Variants in GRIK4 observed in about 807,000 individuals in gnomAD.
GRIK4 encodes the protein glutamate receptor ionotropic, kainate 4.
GRIK4 carries 40 observed loss-of-function variants against 104.9 expected under a neutral mutation model. The observed-to-expected ratio is 0.38, with a 90% CI of 0.30 to 0.50. The LOEUF is 0.50. GRIK4 is among the 20% of genes least tolerant of loss of function. The pLI, the probability that GRIK4 is intolerant of heterozygous loss-of-function variation, is 0.93. For missense variants in GRIK4, 1,047 were observed against 1,308.1 expected (o/e 0.80, Z 3.08); for synonymous variants, 485 against 524.9 (o/e 0.92, Z 1.04).
intron 5 of GRIK4, among the ~76,000 whole-genome samples, chr11:120,816,462 C>G (rs892589114): frequency 6.6e-6 from 1 of 152,164 alleles, no homozygotes; most frequent in African/African-American, 2.4e-5. Flanking sequence ...CCCTAGAGGC[C>G]TGGAGGCTCA....
chr11:120,886,230 G>A (rs765696644), intron 11 of GRIK4, among the ~76,000 whole-genome samples: 5 of 152,318 alleles, frequency 3.3e-5, no homozygotes, highest in South Asian at 2.1e-4. Flanking sequence ...AGGCTGCACC[G>A]TGTCTTCTTG....
intron 3 of GRIK4, among the ~76,000 whole-genome samples, chr11:120,739,983 A>G (rs2155262): frequency 0.75 from 114,447 of 152,148 alleles, 43,301 homozygotes; most frequent in Middle Eastern, 0.85. Context: ...CCCCAACCTC[A>G]TCCACCAGGG....
Position 120,696,522 on chromosome 11 carries a change from G to A in GRIK4, c.82+36122G>A, listed in dbSNP as rs550970901. Reference sequence around the variant, plus strand: ...AGAGGGGGCTGTGAAGCTTAAATCTGGGGGGGCCCAAGGTGAGAGAGCTGG... The same window carrying A: ...AGAGGGGGCTGTGAAGCTTAAATCTAGGGGGGCCCAAGGTGAGAGAGCTGG... On this transcript the variant is annotated intron_variant, in intron 3 of 20. Coordinates refer to ENST00000527524, the MANE Select transcript of GRIK4 (RefSeq NM_014619.5). Among the ~76,000 whole-genome samples the A allele has an allele frequency of 1.0e-4, 15 of 144,032 alleles. No homozygotes were observed. In the South Asian group the frequency reaches 2.7e-3, roughly 26 times the overall value. 94.5% of individuals were successfully genotyped at this position (144,032 alleles called of 152,430 possible).
At chr11:120,579,522 A>G (rs1349325273) in intron 1 of GRIK4, among the ~76,000 whole-genome samples, 3 of 152,226 alleles carry the variant, frequency 2.0e-5, no homozygotes, top group Non-Finnish European at 4.4e-5. Flanking sequence ...TTTGGATTTT[A>G]TTCTAAAATA....
At position 120,881,933 on chromosome 11, in the gene GRIK4, A is replaced by G. The variant is rs192889600; in HGVS notation, c.1164+6690A>G. Among the ~76,000 whole-genome samples the G allele has an allele frequency of 2.6e-5, 4 of 151,494 alleles. No individual in the cohort carries two copies. The East Asian group carries it at 5.8e-4, about 22-fold the overall frequency. ...GTTGCTCTGGTGGGAATTTTAGCAG[A>G]CCTGCTTCTCTGGTGGGAGCCACTC... On this transcript the variant is annotated intron_variant, in intron 11 of 20. Transcript: ENST00000527524.
intron 6 of GRIK4, among the ~76,000 whole-genome samples, chr11:120,828,702 G>A (rs1001106702): frequency 7.2e-5 from 11 of 152,134 alleles, no homozygotes; most frequent in Admixed American, 2.0e-4. Context: ...AATTCTGGGC[G>A]GGATGCGGAC....
chr11:120,866,361 C>A (rs1454648438), intron 9 of GRIK4, among the ~76,000 whole-genome samples: 3 of 152,196 alleles, frequency 2.0e-5, no homozygotes, highest in Non-Finnish European at 4.4e-5. Context: ...GCCAGTAATT[C>A]ACCGCTCTTC....
At chr11:120,909,190 G>A (rs1028489002) in intron 13 of GRIK4, among the ~76,000 whole-genome samples, 1 of 152,278 alleles carries the variant, frequency 6.6e-6, no homozygotes, top group Non-Finnish European at 1.5e-5. Context: ...TGGGTCAGTA[G>A]AATGCAGTTG....
At chr11:120,895,488 G>A (rs1942552937) in intron 11 of GRIK4, among the ~76,000 whole-genome samples, 2 of 152,156 alleles carry the variant, frequency 1.3e-5, no homozygotes, top group Admixed American at 1.3e-4. Flanking sequence ...TGGCTTTGTG[G>A]AGTGTCAAGA....
chr11:120,901,825 T>C (rs1250800549), intron 12 of GRIK4, among the ~76,000 whole-genome samples: 2 of 152,174 alleles, frequency 1.3e-5, no homozygotes, highest in Non-Finnish European at 1.5e-5. Flanking sequence ...TCTGGGAAAG[T>C]CACCCTGATT....
At chr11:120,933,316 T>C (rs1943520518) in intron 13 of GRIK4, among the ~76,000 whole-genome samples, 1 of 152,216 alleles carries the variant, frequency 6.6e-6, no homozygotes, top group East Asian at 1.9e-4. Flanking sequence ...CCATAAGCCC[T>C]TGCTAAGATG....
At chr11:120,830,470 G>T (rs1353683801) in intron 6 of GRIK4, among the ~76,000 whole-genome samples, 1 of 152,098 alleles carries the variant, frequency 6.6e-6, no homozygotes, top group East Asian at 1.9e-4. Context: ...CTCCTTTTTG[G>T]CCTGGGTGGT....
rs148748550 is a variant in GRIK4, at chr11:120,897,875, C to G, written c.1165-657C>G. Among the ~76,000 whole-genome samples, 98 of 151,978 alleles carry G rather than the reference C, an allele frequency of 6.4e-4. 1 individual carries two copies. The highest frequency in any genetic ancestry group is 2.4e-3 in the African/African-American group (98 of 41,442). On this transcript the variant is annotated intron_variant, in intron 11 of 20. Transcript: ENST00000527524. ...GGTTTCACTGTTGAGATCTGCGTTC[C>G]TGGGTCTGGATAAATAATGGAACAC... is the stretch of plus-strand genomic sequence containing the variant.
chr11:120,630,500 C>A (rs1040618658), intron 1 of GRIK4, among the ~76,000 whole-genome samples: 7 of 152,212 alleles, frequency 4.6e-5, no homozygotes, highest in Admixed American at 4.6e-4. Context: ...CCATCTCCAG[C>A]CTTTCCTGCT....
chr11:120,781,719 A>G (rs1565348216), intron 3 of GRIK4, among the ~76,000 whole-genome samples: 1 of 152,152 alleles, frequency 6.6e-6, no homozygotes, highest in Non-Finnish European at 1.5e-5. Flanking sequence ...GAGGGATGCA[A>G]GCGGATGAAG....
At chr11:120,704,310 G>C (rs1393536463) in intron 3 of GRIK4, among the ~76,000 whole-genome samples, 4 of 152,182 alleles carry the variant, frequency 2.6e-5, no homozygotes, top group Admixed American at 6.5e-5. Context: ...GTCCTCCATA[G>C]CACTCACACA....
chr11:120,841,618 T>C (rs576487849), intron 8 of GRIK4, among the ~76,000 whole-genome samples: 3 of 152,306 alleles, frequency 2.0e-5, no homozygotes, highest in East Asian at 3.9e-4. Context: ...TTCAATCCTT[T>C]TGTGTATATG....
At chr11:120,885,625 C>T (rs1409831920) in intron 11 of GRIK4, among the ~76,000 whole-genome samples, 2 of 152,120 alleles carry the variant, frequency 1.3e-5, no homozygotes, top group East Asian at 1.9e-4. Flanking sequence ...CCTCAGGTCA[C>T]CTGCCCGCCT....
Position 120,739,649 on chromosome 11 carries a change from T to C in GRIK4, c.83-63044T>C, listed in dbSNP as rs182020622. ...TGAGACAACATGTTTAGACATCTCT[T>C]ATTTCAACATATACCTATCAGAGCA... On this transcript the variant is annotated intron_variant, in intron 3 of 20. Transcript: ENST00000527524. Among the ~76,000 whole-genome samples, 15 of 152,348 alleles carry C rather than the reference T, an allele frequency of 9.8e-5. No individual in the cohort carries two copies. In the East Asian group the frequency reaches 2.9e-3, roughly 29 times the overall value.
Sources: allele counts gnomAD v4.1 joint callset (sites outside exome capture counted in the v4.1 genomes callset), GRCh38; gene constraint gnomAD v4.1.1; transcripts MANE v1.5; gene names NCBI Gene and HGNC (gene_info 2026-07-23, HGNC 2026-07-21).